KCNT1: variants seen among roughly 807,000 people sequenced by gnomAD.
KCNT1 encodes potassium sodium-activated channel subfamily T member 1, also known as potassium channel subfamily T member 1.
Under a neutral mutation model 147.8 loss-of-function variants are expected in KCNT1, and 78 were observed. The observed-to-expected ratio is 0.53, with a 90% CI of 0.44 to 0.64. The LOEUF is 0.64. Ranked by LOEUF, KCNT1 falls within the 30% of genes least tolerant of loss-of-function variation. KCNT1 has a pLI of 0.00. For missense variants in KCNT1, 1,419 were observed against 1,750.3 expected, an observed-to-expected ratio of 0.81 and a Z score of 3.38; for synonymous variants, 867 against 748.8, an observed-to-expected ratio of 1.16 and a Z score of -2.58.
At chr9:135,763,225 C>T (rs968021084) in intron 11 of KCNT1, among the ~76,000 whole-genome samples, 2 of 115,994 alleles carry the variant, frequency 1.7e-5, no homozygotes, top group African/African-American at 6.7e-5. Context: ...CCGTCTAAGC[C>T]GCTCCCTGCC....
chr9:135,778,571 C>T, intron 22 of KCNT1, 76 bp downstream of exon 22: 1 of 1,602,372 alleles, frequency 6.2e-7, no homozygotes, highest in South Asian at 1.1e-5. Context: ...CTGGGGTGAC[C>T]CCGACCGCAG....
Position 135,772,703 on chromosome 9 carries a change from GCT to G in KCNT1, c.2009-7_2009-6del, listed in dbSNP as rs1442751280. The G allele has an allele frequency of 2.2e-6, 3 of 1,370,706 alleles. No homozygotes were observed. In the South Asian group the frequency reaches 5.4e-5, roughly 25 times the overall value. 84.9% of individuals were successfully genotyped at this position (1,370,706 alleles called of 1,614,324 possible). ...GAGTCGGGCTGTGGCCAAGCACAGG[GCT>G]CTCTTCCAGGGACAGTGGCCATGGA... On this transcript the variant is annotated splice_polypyrimidine_tract_variant and intron_variant, in intron 18 of 30. Transcript: ENST00000371757.
At chr9:135,738,109 G>T (rs1389710703) in intron 2 of KCNT1, among the ~76,000 whole-genome samples, 1 of 152,184 alleles carries the variant, frequency 6.6e-6, no homozygotes, top group East Asian at 1.9e-4. Flanking sequence ...AGCAGGTTCT[G>T]CCCAGGCTGC....
chr9:135,746,996 GGGAGCCGGT>G (rs1215426453), intron 2 of KCNT1, among the ~76,000 whole-genome samples: 1 of 152,078 alleles, frequency 6.6e-6, no homozygotes, highest in Non-Finnish European at 1.5e-5. Context: ...CTCGGGGAGG[GGGAGCCGGT>G]GGATGCCAGA....
At chr9:135,786,031 A>T (rs1199855378) in intron 28 of KCNT1, 166 bp from the exon 29 acceptor site, 1 of 622,612 alleles carries the variant, frequency 1.6e-6, no homozygotes, top group Non-Finnish European at 2.8e-6. Context: ...AGGAAGGCAC[A>T]TGCACCCTGG....
chr9:135,731,379 A>G (rs1324566258), intron 2 of KCNT1, among the ~76,000 whole-genome samples: 1 of 152,136 alleles, frequency 6.6e-6, no homozygotes, highest in Non-Finnish European at 1.5e-5. Flanking sequence ...TTACTCCACC[A>G]AGGTTTAAAT....
At chr9:135,711,974 G>A (rs367806124) in intron 1 of KCNT1, among the ~76,000 whole-genome samples, 3 of 152,258 alleles carry the variant, frequency 2.0e-5, no homozygotes, top group African/African-American at 7.2e-5. Flanking sequence ...CTTCACGCAT[G>A]AGCATACAGG....
intron 11 of KCNT1, among the ~76,000 whole-genome samples, chr9:135,761,843 C>T (rs1036646930): frequency 6.6e-6 from 1 of 152,222 alleles, no homozygotes; most frequent in African/African-American, 2.4e-5. Flanking sequence ...TGTGGGCCCA[C>T]GGCCCAGCCA....
chr9:135,730,245 A>G lies in KCNT1; in HGVS notation c.254+15525A>G, dbSNP rs1169236169. Among the ~76,000 whole-genome samples the G allele has an allele frequency of 2.6e-5, 4 of 152,188 alleles. No individual in the cohort carries two copies. Among genetic ancestry groups the G allele is most frequent in the Non-Finnish European group, 4.4e-5 (3 of 68,034 alleles). On this transcript the variant is annotated intron_variant, in intron 2 of 30. Coordinates refer to ENST00000371757, the MANE Select transcript of KCNT1 (RefSeq NM_020822.3). This position sits in a 1 kb window ranked among gnomAD's most constrained non-coding sequence, Gnocchi z 4.7. Reference sequence around the variant, plus strand: ...GTTCCCTGGACTCCCCCTTCGGAGCATCAGGTGTGGACCCATGGAGTTCCG... The same window carrying G: ...GTTCCCTGGACTCCCCCTTCGGAGCGTCAGGTGTGGACCCATGGAGTTCCG...
intron 19 of KCNT1, among the ~76,000 whole-genome samples, 193 bp from the exon 20 acceptor site, chr9:135,775,117 G>A (rs760585388): frequency 1.9e-4 from 29 of 152,338 alleles, no homozygotes; most frequent in Non-Finnish European, 3.4e-4. Context: ...CACAGGCTCA[G>A]CTGGAGGAGC....
In KCNT1 at chr9:135,775,331, C is replaced by T. The variant is rs1263083880; in HGVS notation, c.2265C>T (p.Pro755=). ...CCAGGTATGTGAAGGGCTACCCTCC[C>T]AACTCGCCCTACATCGGCAGCTCCC... ...SVVEYVKGYP[P]NSPYIGSSPT... The change falls in exon 20 of 31, where the codon CCC becomes CCT. Residue 755 remains proline, a synonymous_variant. Transcript: ENST00000371757. 4 of 1,608,940 alleles carry T rather than the reference C, an allele frequency of 2.5e-6. No homozygotes were observed. The highest frequency in any genetic ancestry group is 1.1e-5 in the South Asian group (1 of 89,518).
intron 2 of KCNT1, among the ~76,000 whole-genome samples, chr9:135,728,786 G>C (rs568902718): frequency 1.3e-5 from 2 of 152,194 alleles, no homozygotes; most frequent in African/African-American, 4.8e-5. Flanking sequence ...GTGTTTTGCC[G>C]GGTCTGGTTA....
chr9:135,793,791 G>A lies in KCNT1; in HGVS notation c.*1630G>A, dbSNP rs1310919110. The A allele has an allele frequency of 1.3e-5, 2 of 152,564 alleles. No individual in the cohort carries two copies. Among genetic ancestry groups the A allele is most frequent in the African/African-American group, 4.8e-5 (2 of 41,468 alleles). 9.5% of individuals were successfully genotyped at this position (152,564 alleles called of 1,614,324 possible). ...AGAGCCAGACATGGGTGGTCAGGGA[G>A]AGGCTGTGTGGATTCAGGGGACCAG... On this transcript the variant is annotated 3_prime_UTR_variant, in exon 31 of 31. Transcript: ENST00000371757.
chr9:135,755,210 C>T (rs1477510759), intron 6 of KCNT1, 41 bp downstream of exon 6: 2 of 1,573,190 alleles, frequency 1.3e-6, no homozygotes, highest in African/African-American at 1.4e-5. Context: ...TGCAGTGGTG[C>T]TCAGTAAGCA....
intron 30 of KCNT1, 76 bp from the exon 31 acceptor site, chr9:135,791,965 G>A: frequency 6.2e-7 from 1 of 1,609,532 alleles, no homozygotes; most frequent in Non-Finnish European, 8.5e-7. Flanking sequence ...GCACCACAGT[G>A]GGGCCGCTCA....
Position 135,770,890 on chromosome 9 carries a change from G to A in KCNT1, c.1803G>A (p.Glu601=), listed in dbSNP as rs376892911. 57 of 1,596,032 alleles carry A rather than the reference G, an allele frequency of 3.6e-5. No individual in the cohort carries two copies. Among genetic ancestry groups the A allele is most frequent in the Non-Finnish European group, 4.6e-5 (54 of 1,170,808 alleles). Residue 601 remains glutamate, a synonymous_variant, in exon 18 of 31, where the codon GAG becomes GAA. Coordinates refer to ENST00000371757, the MANE Select transcript of KCNT1 (RefSeq NM_020822.3). ...TGTGCCTCATCGGGCTGAAGCGGGA[G>A]GACAACAAGAGCATCCTGCTGAACC... The part of the protein sequence containing the change: ...YGVCLIGLKR[E]DNKSILLNPG...
At chr9:135,779,628 C>T (rs1260324848) in intron 24 of KCNT1, among the ~76,000 whole-genome samples, 158 bp downstream of exon 24, 2 of 152,216 alleles carry the variant, frequency 1.3e-5, no homozygotes, top group African/African-American at 4.8e-5. Context: ...CCAGCATGGA[C>T]AGGGTGCTCT....
rs948736480 is a variant in KCNT1, at chr9:135,792,360, T to C, written c.*199T>C. The stretch of plus-strand genomic sequence containing the variant: ...TCACCCCTGGGCACCTGCAGGCTAG[T>C]GAGGAGAGTTTTTTAACCTATTTTT... On this transcript the variant is annotated 3_prime_UTR_variant, in exon 31 of 31. Coordinates refer to ENST00000371757, the MANE Select transcript of KCNT1 (RefSeq NM_020822.3). 3.4e-6 allele frequency: 2 copies of C among 593,502 alleles called. No homozygotes were observed. Among genetic ancestry groups the C allele is most frequent in the East Asian group, 6.1e-5 (2 of 32,612 alleles). 36.8% of individuals were successfully genotyped at this position (593,502 alleles called of 1,614,324 possible).
rs1211684341 is a variant in KCNT1, at chr9:135,795,078, CCTG to C, written c.*2920_*2922del. 1 of 152,064 alleles carries C rather than the reference CCTG, an allele frequency of 6.6e-6. No individual in the cohort carries two copies. Among genetic ancestry groups the C allele is most frequent in the Non-Finnish European group, 1.5e-5 (1 of 68,024 alleles). 9.4% of individuals were successfully genotyped at this position (152,064 alleles called of 1,614,324 possible). A position where few individuals can be genotyped will look rare whatever the true frequency, so the allele number is the denominator to read the frequency against. ...TGAAACATACAAAATGAGTGAGACA[CCTG>C]CTATTTTCCTTATTCCTGTTTTTTG... is the stretch of plus-strand genomic sequence containing the variant. On this transcript the variant is annotated 3_prime_UTR_variant, in exon 31 of 31. Transcript: ENST00000371757.
Sources: allele counts gnomAD v4.1 joint callset (sites outside exome capture counted in the v4.1 genomes callset), GRCh38; gene constraint gnomAD v4.1.1; non-coding constraint Gnocchi (gnomAD v3.1); transcripts MANE v1.5; gene names NCBI Gene and HGNC (gene_info 2026-07-23, HGNC 2026-07-21).